Variants in ARHGAP42 observed in about 807,000 individuals in gnomAD.
The protein encoded by ARHGAP42 is Rho GTPase activating protein 42.
Under a neutral mutation model 125.0 loss-of-function variants are expected in ARHGAP42, and 63 were observed. That is an observed-to-expected ratio of 0.50 (90% CI 0.41 to 0.62). ARHGAP42 has a LOEUF of 0.62. Among genes scored for constraint, ARHGAP42 ranks in the 20% least tolerant of loss-of-function variants. The pLI is 0.00. For synonymous variants in ARHGAP42, 339 were observed against 351.0 expected (o/e 0.97, Z 0.38); for missense variants, 766 against 1,024.2 (o/e 0.75, Z 3.44).
chr11:100,964,624 TAAGAG>T (rs749238810), intron 16 of ARHGAP42, among the ~76,000 whole-genome samples: 1 of 152,190 alleles, frequency 6.6e-6, no homozygotes, highest in Non-Finnish European at 1.5e-5. Context: ...TTTGCTGCAG[TAAGAG>T]AATGTTAAGT....
rs1228028750 is a variant in ARHGAP42 at position 100,980,583 on chromosome 11, T to C, written c.2456+1534T>C. On this transcript the variant is annotated intron_variant, in intron 22 of 23. Transcript: ENST00000298815. The stretch of plus-strand genomic sequence containing the variant: ...TCTTTTTTTTTTTTTTTTTTTTTTT[T>C]TTTTTTGAGAAAGAGCCTCGCTCTG... 1.7e-5 allele frequency among the ~76,000 whole-genome samples: 2 copies of C among 114,472 alleles called. 1 individual carries two copies. The allele number at this position is 114,472 out of a possible 152,430, so 75.1% of individuals were successfully genotyped here.
intron 4 of ARHGAP42, among the ~76,000 whole-genome samples, chr11:100,894,304 A>G: frequency 6.6e-6 from 1 of 152,134 alleles, no homozygotes; most frequent in East Asian, 1.9e-4. Context: ...GACCTGGGTA[A>G]TTTCACAAGA....
intron 4 of ARHGAP42, among the ~76,000 whole-genome samples, chr11:100,869,852 A>G (rs1342399910): frequency 6.6e-6 from 1 of 152,100 alleles, no homozygotes; most frequent in Non-Finnish European, 1.5e-5. Flanking sequence ...TTACCCTCCT[A>G]ATGATTCCTT....
chr11:100,980,208 G>GTCTT lies in ARHGAP42; in HGVS notation c.2456+1161_2456+1164dup, dbSNP rs375289900. On this transcript the variant is annotated intron_variant, in intron 22 of 23. Coordinates refer to ENST00000298815, the MANE Select transcript of ARHGAP42 (RefSeq NM_152432.4). ...TGTGAACCTTACCTCTGTCAGCAGT[G>GTCTT]TCTTTATCTTCCTTTTGACCGAAGC... 1.3e-3 allele frequency among the ~76,000 whole-genome samples: 200 copies of GTCTT among 152,224 alleles called. 2 individuals are homozygous for GTCTT. The highest frequency in any genetic ancestry group is 4.3e-3 in the African/African-American group (178 of 41,546).
At chr11:100,955,882 A>G (rs1015620711) in intron 12 of ARHGAP42, among the ~76,000 whole-genome samples, 2 of 152,106 alleles carry the variant, frequency 1.3e-5, no homozygotes, top group African/African-American at 4.8e-5. Context: ...CTGATGCATT[A>G]AGTATAGTAA....
chr11:100,701,326 G>C (rs11224399), intron 1 of ARHGAP42, among the ~76,000 whole-genome samples: 2 of 152,128 alleles, frequency 1.3e-5, no homozygotes, highest in African/African-American at 2.4e-5. Context: ...CTTCAACTTA[G>C]TGTCACCAGC....
intron 4 of ARHGAP42, among the ~76,000 whole-genome samples, chr11:100,903,389 T>C (rs1332387481): frequency 6.6e-6 from 1 of 152,034 alleles, no homozygotes; most frequent in African/African-American, 2.4e-5. Flanking sequence ...TTCATCCAGG[T>C]TCTTTGTCAT....
chr11:100,904,280 G>A (rs1414726329), intron 4 of ARHGAP42, among the ~76,000 whole-genome samples: 5 of 140,690 alleles, frequency 3.6e-5, no homozygotes, highest in South Asian at 2.2e-4. Flanking sequence ...GTCTTGCTCT[G>A]TCGCCCAGGC....
chr11:100,851,973 G>GAGAT (rs1865214520), intron 3 of ARHGAP42, among the ~76,000 whole-genome samples: 1 of 152,198 alleles, frequency 6.6e-6, no homozygotes, highest in Admixed American at 6.5e-5. Context: ...AGGTTGGGAA[G>GAGAT]AGATGAGCAC....
chr11:100,816,396 G>T (rs1230766301), intron 3 of ARHGAP42, among the ~76,000 whole-genome samples: 1 of 152,078 alleles, frequency 6.6e-6, no homozygotes. Context: ...CATGGTTGGG[G>T]TGGGTGGAGA....
At chr11:100,778,934 C>A (rs1228107944) in intron 2 of ARHGAP42, among the ~76,000 whole-genome samples, 1 of 152,104 alleles carries the variant, frequency 6.6e-6, no homozygotes, top group Non-Finnish European at 1.5e-5. Context: ...GTCTTTTGTA[C>A]AGAGGGCTCA....
At chr11:100,847,943 T>C (rs577715184) in intron 3 of ARHGAP42, among the ~76,000 whole-genome samples, 1 of 152,288 alleles carries the variant, frequency 6.6e-6, no homozygotes, top group South Asian at 2.1e-4. Flanking sequence ...AGTCGACCCA[T>C]GGATGGAGTG....
chr11:100,918,402 G>A (rs190706417), intron 5 of ARHGAP42, among the ~76,000 whole-genome samples: 1 of 152,248 alleles, frequency 6.6e-6, no homozygotes, highest in East Asian at 1.9e-4. Flanking sequence ...AGAACCATAT[G>A]GTTTTCTTAT....
intron 1 of ARHGAP42, among the ~76,000 whole-genome samples, chr11:100,695,960 T>C (rs1338833154): frequency 6.6e-6 from 1 of 152,186 alleles, no homozygotes; most frequent in Non-Finnish European, 1.5e-5. Flanking sequence ...GCGTGATGGC[T>C]TACAGCTGTA....
intron 4 of ARHGAP42, among the ~76,000 whole-genome samples, chr11:100,883,565 T>C (rs662335): frequency 0.34 from 51,826 of 151,922 alleles, 9,086 homozygotes; most frequent in African/African-American, 0.42. Context: ...CTGATCGTGA[T>C]CTCTTGACCT....
chr11:100,883,487 T>G (rs1307711159), intron 4 of ARHGAP42, among the ~76,000 whole-genome samples: 1 of 151,882 alleles, frequency 6.6e-6, no homozygotes, highest in Non-Finnish European at 1.5e-5. Flanking sequence ...GGATTACAGG[T>G]GCCCGCCACC....
chr11:100,785,804 T>C (rs117375712), intron 2 of ARHGAP42, among the ~76,000 whole-genome samples: 2,306 of 152,330 alleles, frequency 0.015, 21 homozygotes, highest in Non-Finnish European at 0.024. Flanking sequence ...CTGTTTGCCT[T>C]TAAAGATGAT....
At chr11:100,905,350 C>T in intron 4 of ARHGAP42, among the ~76,000 whole-genome samples, 1 of 152,198 alleles carries the variant, frequency 6.6e-6, no homozygotes, top group South Asian at 2.1e-4. Context: ...TATGCCTTCA[C>T]ATATGATTAG....
intron 4 of ARHGAP42, among the ~76,000 whole-genome samples, chr11:100,895,379 C>T (rs376136976): frequency 6.6e-6 from 1 of 152,230 alleles, no homozygotes; most frequent in East Asian, 1.9e-4. Context: ...ATTTCTCTCT[C>T]TCCCATGTCT....
Sources: allele counts gnomAD v4.1 joint callset (sites outside exome capture counted in the v4.1 genomes callset), GRCh38; gene constraint gnomAD v4.1.1; transcripts MANE v1.5; gene names NCBI Gene and HGNC (gene_info 2026-07-23, HGNC 2026-07-21).